RYR1: variants seen among roughly 807,000 people sequenced by gnomAD.
The protein encoded by RYR1 is central core disease of muscle.
A neutral mutation model predicts 583.5 loss-of-function variants in RYR1; 342 were observed. That is an observed-to-expected ratio of 0.59 (90% CI 0.54 to 0.64). The LOEUF (loss-of-function observed/expected upper bound fraction) is 0.64. Ranked by LOEUF, RYR1 falls within the 30% of genes least tolerant of loss-of-function variation. The pLI is 0.00. For missense variants in RYR1, 6,032 were observed against 6,917.2 expected (o/e 0.87, Z 4.54); for synonymous variants, 2,791 against 2,822.5 (o/e 0.99, Z 0.35).
rs147197176 is a variant in RYR1, at chr19:38,494,420, G to A, written c.6343G>A (p.Glu2115Lys). 26 of 1,612,028 alleles carry A rather than the reference G, an allele frequency of 1.6e-5. No homozygotes were observed. The highest frequency in any genetic ancestry group is 4.0e-5 in the African/African-American group (3 of 74,882). The change falls in exon 39 of 106, where the codon GAG (glutamate) becomes AAG (lysine). Residue 2115 changes from glutamate (E) to lysine (K), a missense_variant. By Grantham distance (56) the Glu-to-Lys change is moderately conservative (BLOSUM62 1). This residue lies in a region of RYR1 where 2,627 missense variants were observed against 2,961.3 expected (regional missense o/e 0.89). Transcript: ENST00000359596. The stretch of plus-strand genomic sequence containing the variant: ...CCAAGAGGACTTCGTGCAGAGCCCC[G>A]AGCTGGTGCGGGCCATGTTCAGCCT... ...WAQEDFVQSP[E>K]LVRAMFSLLH...
chr19:38,524,537 C>T (rs1019887376), intron 70 of RYR1, among the ~76,000 whole-genome samples: 3 of 152,320 alleles, frequency 2.0e-5, no homozygotes, highest in Admixed American at 6.5e-5. Context: ...TGCCAGCCGG[C>T]GTGGATGTGG....
intron 72 of RYR1, 189 bp from the exon 73 acceptor site, chr19:38,527,458 T>C: frequency 2.8e-6 from 2 of 712,698 alleles, no homozygotes; most frequent in South Asian, 1.8e-5. Flanking sequence ...TGCAGTGAGC[T>C]GAGATCGCAC....
chr19:38,525,888 GC>G (rs1442399455), intron 71 of RYR1, among the ~76,000 whole-genome samples: 1 of 151,146 alleles, frequency 6.6e-6, no homozygotes, highest in Non-Finnish European at 1.5e-5. Flanking sequence ...CTCCACCAAG[GC>G]CCCTTCAAGC....
At chr19:38,507,111 C>T (rs970101197) in intron 57 of RYR1, among the ~76,000 whole-genome samples, 159 bp downstream of exon 57, 1 of 148,650 alleles carries the variant, frequency 6.7e-6, no homozygotes, top group Non-Finnish European at 1.5e-5. Flanking sequence ...GGCCTGGACA[C>T]AGAGGCGGGG....
At chr19:38,503,043 G>A in intron 49 of RYR1, 73 bp downstream of exon 49, 1 of 1,474,814 alleles carries the variant, frequency 6.8e-7, no homozygotes, top group Non-Finnish European at 9.3e-7. Flanking sequence ...CCTACTGCGG[G>A]GCTCATTTGT....
At position 38,546,481 on chromosome 19, in the gene RYR1, G is replaced by C; in HGVS notation, c.12049G>C (p.Asp4017His). The part of the protein sequence containing the change: ...SQIELLKELL[D>H]LQKDMVVMLL... ...GATCGAGCTGCTGAAGGAGCTGCTG[G>C]ATCTGCAGAAGGACATGGTGGTGAT... Residue 4017 changes from aspartate (D) to histidine (H), a missense_variant, in exon 88 of 106, where the codon GAT (aspartate) becomes CAT (histidine). Transcript: ENST00000359596. 6.2e-7 allele frequency: 1 copy of C among 1,613,830 alleles called. No homozygotes were observed. Among genetic ancestry groups the C allele is most frequent in the South Asian group, 1.1e-5 (1 of 91,064 alleles).
intron 24 of RYR1, 45 bp downstream of exon 24, chr19:38,466,443 C>A (rs1274846711): frequency 6.6e-7 from 1 of 1,520,558 alleles, no homozygotes; most frequent in Admixed American, 2.0e-5. Context: ...TACCCCAACT[C>A]TGACCCCAGC....
In RYR1 at chr19:38,496,014, C is replaced by T. The variant is rs796961237; in HGVS notation, c.6549-201C>T. On this transcript the variant is annotated intron_variant, in intron 39 of 105. Coordinates refer to ENST00000359596, the MANE Select transcript of RYR1 (RefSeq NM_000540.3). This position sits in a 1 kb window ranked among gnomAD's most constrained non-coding sequence, Gnocchi z 4.8. Reference sequence around the variant, plus strand: ...CTGACCTCAAGTGATCCTCTAGCTTCGGCCTCCCAAAGTGCTGGGATTACA... The same window carrying T: ...CTGACCTCAAGTGATCCTCTAGCTTTGGCCTCCCAAAGTGCTGGGATTACA... Among the ~76,000 whole-genome samples the T allele has an allele frequency of 5.9e-5, 9 of 152,112 alleles. No individual in the cohort carries two copies. The highest frequency in any genetic ancestry group is 5.8e-4 in the East Asian group (3 of 5,176).
intron 20 of RYR1, among the ~76,000 whole-genome samples, chr19:38,463,155 C>G (rs112625078): frequency 1.2e-5 from 1 of 82,548 alleles, no homozygotes; most frequent in Non-Finnish European, 2.9e-5. Context: ...CCCCCCCCCC[C>G]ACTTAGCCTC....
chr19:38,564,623 T>A (rs1973302378), intron 90 of RYR1, among the ~76,000 whole-genome samples: 1 of 152,064 alleles, frequency 6.6e-6, no homozygotes, highest in Non-Finnish European at 1.5e-5. Context: ...GTTCAAGTTA[T>A]TCTCCTACCT....
Position 38,483,159 on chromosome 19 carries a change from G to A in RYR1, c.4707+46G>A. 6.2e-7 allele frequency: 1 copy of A among 1,601,186 alleles called. No individual in the cohort carries two copies. Among genetic ancestry groups the A allele is most frequent in the South Asian group, 1.1e-5 (1 of 90,810 alleles). On this transcript the variant is annotated intron_variant, in intron 32 of 105. Coordinates refer to ENST00000359596, the MANE Select transcript of RYR1 (RefSeq NM_000540.3). This position sits in a 1 kb window ranked among gnomAD's most constrained non-coding sequence, Gnocchi z 6.3. Reference sequence around the variant, plus strand: ...GCACTAATGGGGCCAGGCTGAGGCAGGAGATGTGGGGAGGCCAGGCGGGCA... The same window carrying A: ...GCACTAATGGGGCCAGGCTGAGGCAAGAGATGTGGGGAGGCCAGGCGGGCA...
At chr19:38,557,903 CCGGGAGG>C (rs2145820213) in intron 89 of RYR1, among the ~76,000 whole-genome samples, 1 of 152,064 alleles carries the variant, frequency 6.6e-6, no homozygotes, top group South Asian at 2.1e-4. Flanking sequence ...TCGCTTGAAC[CCGGGAGG>C]CGGAGGTTGC....
intron 38 of RYR1, among the ~76,000 whole-genome samples, chr19:38,492,895 C>T (rs1969621943): frequency 6.6e-6 from 1 of 151,988 alleles, no homozygotes; most frequent in Admixed American, 6.6e-5. Flanking sequence ...ATGGTGAAAC[C>T]CCCTTCTCCA....
At chr19:38,507,205 AGGGAG>A (rs1970501959) in intron 57 of RYR1, among the ~76,000 whole-genome samples, 2 of 142,870 alleles carry the variant, frequency 1.4e-5, no homozygotes, top group Admixed American at 6.9e-5. Context: ...GGCGGGGCCC[AGGGAG>A]CAGAGGCGGG....
At position 38,517,594 on chromosome 19, in the gene RYR1, C is replaced by T. The variant is rs1399221695; in HGVS notation, c.9921C>T (p.Val3307=). ...PAGAPPPCTA[V]TSDHLNSLLG... is the part of the protein sequence containing the mutation. ...GCGCCCCCCCACCCTGCACAGCTGT[C>T]ACCTCTGACCACCTCAACTCCCTGC... Residue 3307 remains valine, a synonymous_variant, in exon 66 of 106, where the codon GTC becomes GTT. Coordinates refer to ENST00000359596, the MANE Select transcript of RYR1 (RefSeq NM_000540.3). The T allele has an allele frequency of 1.7e-5, 28 of 1,614,062 alleles. No individual in the cohort carries two copies. The highest frequency in any genetic ancestry group is 2.3e-5 in the Non-Finnish European group (27 of 1,180,022).
At chr19:38,537,773 C>T (rs1168005854) in intron 83 of RYR1, 107 bp from the exon 84 acceptor site, 1 of 1,043,750 alleles carries the variant, frequency 9.6e-7, no homozygotes, top group African/African-American at 1.6e-5. Flanking sequence ...CCCAGCACCC[C>T]CATGCTTTGT....
chr19:38,536,155 G>T (rs1971956304), intron 82 of RYR1, 85 bp downstream of exon 82: 1 of 1,020,536 alleles, frequency 9.8e-7, no homozygotes, highest in African/African-American at 3.0e-5. Context: ...CCATTGCCCA[G>T]AGCTCCCTTC....
At chr19:38,576,266 CA>C (rs1973951911) in intron 97 of RYR1, among the ~76,000 whole-genome samples, 1 of 152,080 alleles carries the variant, frequency 6.6e-6, no homozygotes, top group Admixed American at 6.6e-5. Flanking sequence ...GCAGCCTGGG[CA>C]ACATGGCAAA....
chr19:38,576,941 A>G (rs1229056776), intron 97 of RYR1, among the ~76,000 whole-genome samples: 2 of 152,006 alleles, frequency 1.3e-5, no homozygotes, highest in Admixed American at 6.6e-5. Context: ...TCTGGAGTGC[A>G]GTGGCACAAT....
Sources: gnomAD v4.1 joint callset for allele counts (sites outside exome capture counted in the v4.1 genomes callset) on GRCh38, gnomAD v4.1.1 for gene constraint, gnomAD v4.1.1 regional missense constraint, Gnocchi (gnomAD v3.1) non-coding constraint, MANE v1.5 for transcripts, NCBI Gene and HGNC (gene_info 2026-07-23, HGNC 2026-07-21) for gene names.